Variants in RBFOX1 observed in about 807,000 individuals in gnomAD.
RBFOX1 encodes RNA binding fox-1 homolog 1.
RBFOX1 carries 8 observed loss-of-function variants against 57.7 expected under a neutral mutation model. The ratio of observed to expected loss-of-function variants is 0.14; its 90% CI spans 0.08 to 0.25. RBFOX1 has a LOEUF of 0.25. Among genes scored for constraint, RBFOX1 ranks in the 10% least tolerant of loss-of-function variants. The pLI is 1.00. For synonymous variants in RBFOX1, 326 were observed against 222.4 expected (o/e 1.47, Z -4.15); for missense variants, 611 against 548.5 (o/e 1.11, Z -1.14).
At chr16:7,696,859 G>C (rs2147858982) in intron 14 of RBFOX1, among the ~76,000 whole-genome samples, 2 of 152,264 alleles carry the variant, frequency 1.3e-5, no homozygotes, top group East Asian at 3.9e-4. Flanking sequence ...AAGTGAACGT[G>C]TGACCCATGA....
chr16:7,684,157 AATTT>A (rs1204477480), intron 14 of RBFOX1, among the ~76,000 whole-genome samples: 1 of 152,106 alleles, frequency 6.6e-6, no homozygotes, highest in African/African-American at 2.4e-5. Context: ...TGTGGCCTCT[AATTT>A]ATTTCCACTT....
chr16:5,279,780 G>A (rs1046351300), intron 1 of RBFOX1, among the ~76,000 whole-genome samples: 4 of 152,320 alleles, frequency 2.6e-5, no homozygotes, highest in African/African-American at 9.6e-5. Flanking sequence ...GGGATTACAG[G>A]CATGAGCCAC....
chr16:5,404,230 C>T (rs1413613081), intron 1 of RBFOX1, among the ~76,000 whole-genome samples: 1 of 152,014 alleles, frequency 6.6e-6, no homozygotes, highest in East Asian at 1.9e-4. Flanking sequence ...CCTGGGAAGC[C>T]CTGACTTGAC....
At chr16:6,925,256 C>G (rs1466152852) in intron 3 of RBFOX1, among the ~76,000 whole-genome samples, 1 of 149,654 alleles carries the variant, frequency 6.7e-6, no homozygotes, top group Admixed American at 6.7e-5. Context: ...ACCTCAGTCT[C>G]CCAAGTAGCT....
chr16:6,576,197 A>C (rs1401075030), intron 2 of RBFOX1, among the ~76,000 whole-genome samples: 1 of 152,120 alleles, frequency 6.6e-6, no homozygotes, highest in Non-Finnish European at 1.5e-5. Flanking sequence ...ATTCCAGTTC[A>C]GGCTTTCGAG....
chr16:5,720,805 C>G (rs1369058320), intron 3 of RBFOX1, among the ~76,000 whole-genome samples: 1 of 152,184 alleles, frequency 6.6e-6, no homozygotes, highest in East Asian at 1.9e-4. Flanking sequence ...AGTTCTTAGG[C>G]TAGTACCATA....
At chr16:5,372,995 C>G (rs1331413676) in intron 1 of RBFOX1, among the ~76,000 whole-genome samples, 1 of 152,240 alleles carries the variant, frequency 6.6e-6, no homozygotes, top group Admixed American at 6.5e-5. Flanking sequence ...TCTTCTCCAT[C>G]TAAACCTCTA....
intron 4 of RBFOX1, among the ~76,000 whole-genome samples, chr16:7,277,231 T>C (rs1232724286): frequency 1.3e-5 from 2 of 152,320 alleles, no homozygotes; most frequent in Non-Finnish European, 2.9e-5. Context: ...GGAGGAATGG[T>C]TTCTGTTGGT....
chr16:6,515,391 C>T (rs1027825710), intron 2 of RBFOX1, among the ~76,000 whole-genome samples: 1 of 152,182 alleles, frequency 6.6e-6, no homozygotes, highest in Non-Finnish European at 1.5e-5. Flanking sequence ...TTACGTAAAA[C>T]CAAACATATG....
chr16:5,615,786 T>C (rs2048001348), intron 3 of RBFOX1, among the ~76,000 whole-genome samples: 2 of 152,248 alleles, frequency 1.3e-5, no homozygotes. Context: ...AGTGCCTATC[T>C]GGGTTTCTGC....
chr16:6,756,891 C>T (rs957206003), intron 3 of RBFOX1, among the ~76,000 whole-genome samples: 3 of 152,054 alleles, frequency 2.0e-5, no homozygotes, highest in South Asian at 2.1e-4. Flanking sequence ...AGGAGAATTG[C>T]TTGAACCGAG....
At chr16:6,453,489 C>G (rs938550193) in intron 2 of RBFOX1, among the ~76,000 whole-genome samples, 3 of 151,988 alleles carry the variant, frequency 2.0e-5, no homozygotes, top group Non-Finnish European at 1.5e-5. Flanking sequence ...AGGAAGAAGC[C>G]GAATCCCTTA....
At chr16:6,757,663 A>C (rs1057179425) in intron 3 of RBFOX1, among the ~76,000 whole-genome samples, 1 of 152,114 alleles carries the variant, frequency 6.6e-6, no homozygotes, top group Non-Finnish European at 1.5e-5. Context: ...AGAAGGTGGG[A>C]TGAGGGGAGG....
rs80067875 is a variant in RBFOX1, at chr16:6,497,483, C to G, written c.-63-157120C>G. ...TGGTGTGAACTCTAGAAGAACAGCTCTTCAAAATGCCGCAATGGAGCAAGG... is the reference window on the plus strand; with the variant it reads ...TGGTGTGAACTCTAGAAGAACAGCTGTTCAAAATGCCGCAATGGAGCAAGG... On this transcript the variant is annotated intron_variant, in intron 2 of 15. Coordinates refer to ENST00000550418, the MANE Select transcript of RBFOX1 (RefSeq NM_018723.4). Among the ~76,000 whole-genome samples, 15 of 151,996 alleles carry G rather than the reference C, an allele frequency of 9.9e-5. No homozygotes were observed. In the East Asian group the frequency reaches 2.9e-3, roughly 30 times the overall value.
chr16:6,948,340 A>G (rs953707750), intron 3 of RBFOX1, among the ~76,000 whole-genome samples: 1 of 143,494 alleles, frequency 7.0e-6, no homozygotes, highest in Non-Finnish European at 1.5e-5. Context: ...AAACTCTGAC[A>G]TCTTTCTGCT....
intron 4 of RBFOX1, among the ~76,000 whole-genome samples, chr16:5,907,826 C>G (rs866623504): frequency 6.6e-6 from 1 of 151,870 alleles, no homozygotes; most frequent in Non-Finnish European, 1.5e-5. Context: ...TCTCAGCTCA[C>G]TATAGCCTCT....
intron 2 of RBFOX1, among the ~76,000 whole-genome samples, chr16:6,619,856 T>A (rs2098201291): frequency 6.6e-6 from 1 of 152,140 alleles, no homozygotes; most frequent in South Asian, 2.1e-4. Context: ...GTCTCCCTCC[T>A]CCCACCCTCC....
rs375324512 is a variant in RBFOX1, at chr16:6,241,854, G to A, written c.-126-75141G>A. Among the ~76,000 whole-genome samples, 13 of 152,272 alleles carry A rather than the reference G, an allele frequency of 8.5e-5. No homozygotes were observed. The East Asian group carries it at 2.1e-3, about 25-fold the overall frequency. On this transcript the variant is annotated intron_variant, in intron 1 of 15. Coordinates refer to ENST00000550418, the MANE Select transcript of RBFOX1 (RefSeq NM_018723.4). ...AAGTGCCCATGCATGTAAACATGGT[G>A]AACTGCAAAAGCCCAACACATTGAC... is the stretch of plus-strand genomic sequence containing the variant.
intron 3 of RBFOX1, among the ~76,000 whole-genome samples, chr16:6,671,058 A>G (rs1002585309): frequency 5.9e-5 from 9 of 152,226 alleles, no homozygotes; most frequent in African/African-American, 1.9e-4. Flanking sequence ...GGTAGAAATC[A>G]TTTAAAAACC....
Sources: allele counts gnomAD v4.1 joint callset (sites outside exome capture counted in the v4.1 genomes callset), GRCh38; gene constraint gnomAD v4.1.1; transcripts MANE v1.5; gene names NCBI Gene and HGNC (gene_info 2026-07-23, HGNC 2026-07-21).